Variants in BOC observed in about 807,000 individuals in gnomAD.
BOC encodes BOC cell adhesion associated, oncogene regulated, also known as brother of CDO.
BOC carries 76 observed loss-of-function variants against 112.0 expected under a neutral mutation model. That is an observed-to-expected ratio of 0.68 (90% CI 0.56 to 0.82). BOC has a LOEUF of 0.82. Ranked by LOEUF, BOC falls within the 40% of genes least tolerant of loss-of-function variation. BOC has a pLI of 0.00. For missense variants in BOC, 1,309 were observed against 1,511.7 expected (o/e 0.87, Z 2.22); for synonymous variants, 580 against 599.8 (o/e 0.97, Z 0.48).
rs372345745 is a variant in BOC, at chr3:113,273,237, G to A, written c.1130G>A (p.Arg377His). ...QRLRLSRRAL[R>H]VLSMGPEDEG... The stretch of plus-strand genomic sequence containing the variant: ...CTCCGGCTCTCCCGCAGGGCCCTGC[G>A]CGTGCTCAGCATGGGGCCTGAGGAC... Residue 377 changes from arginine to histidine, a missense_variant, in exon 8 of 20, where the codon CGC (arginine) becomes CAC (histidine). Physicochemically the swap from Arg to His is conservative, Grantham distance 29 (BLOSUM62 0). Transcript: ENST00000682979. 1.9e-5 allele frequency: 31 copies of A among 1,613,426 alleles called. No individual in the cohort carries two copies. Among genetic ancestry groups the A allele is most frequent in the Admixed American group, 1.8e-4 (11 of 59,986 alleles).
intron 9 of BOC, among the ~76,000 whole-genome samples, chr3:113,276,538 C>T (rs897017974): frequency 1.3e-5 from 2 of 152,166 alleles, no homozygotes; most frequent in Non-Finnish European, 2.9e-5. Context: ...TCCTCTCTTA[C>T]GGAACTAACA....
chr3:113,264,663 C>A (rs1484378665), intron 4 of BOC, among the ~76,000 whole-genome samples: 5 of 152,196 alleles, frequency 3.3e-5, no homozygotes, highest in African/African-American at 1.2e-4. Flanking sequence ...CCCTGGCCCC[C>A]TTCCTGTCCA....
At chr3:113,251,515 T>G (rs1172052310) in intron 4 of BOC, 1 of 153,728 alleles carries the variant, frequency 6.5e-6, no homozygotes, top group Non-Finnish European at 1.4e-5. Context: ...TTTTTTCTGG[T>G]TTTGCCATTC....
At chr3:113,242,095 A>G (rs1944379071) in intron 2 of BOC, among the ~76,000 whole-genome samples, 1 of 151,886 alleles carries the variant, frequency 6.6e-6, no homozygotes, top group South Asian at 2.1e-4. Context: ...GAACAGCACA[A>G]TCACCCTGTT....
At chr3:113,264,491 C>G (rs931127350) in intron 4 of BOC, among the ~76,000 whole-genome samples, 6 of 152,212 alleles carry the variant, frequency 3.9e-5, no homozygotes, top group African/African-American at 1.4e-4. Context: ...TCCAGTGAAG[C>G]ACACTGAGCA....
chr3:113,257,865 A>T (rs1233062596), intron 4 of BOC, among the ~76,000 whole-genome samples: 1 of 151,970 alleles, frequency 6.6e-6, no homozygotes, highest in Non-Finnish European at 1.5e-5. Context: ...TCCAGTGCTG[A>T]CTCCTATATT....
intron 4 of BOC, among the ~76,000 whole-genome samples, chr3:113,265,060 T>C (rs1234976639): frequency 6.6e-6 from 1 of 152,080 alleles, no homozygotes; most frequent in Non-Finnish European, 1.5e-5. Context: ...CAGCCTTCTG[T>C]CTCCAACTGA....
At chr3:113,279,225 C>T (rs1260608684) in intron 11 of BOC, 24 bp from the exon 12 acceptor site, 20 of 1,606,964 alleles carry the variant, frequency 1.2e-5, no homozygotes, top group Non-Finnish European at 1.7e-5. Context: ...TGCTTCCTTC[C>T]TCACTGGATA....
At chr3:113,224,108 C>T (rs1294513748) in intron 2 of BOC, among the ~76,000 whole-genome samples, 2 of 152,200 alleles carry the variant, frequency 1.3e-5, no homozygotes, top group Admixed American at 6.5e-5. Flanking sequence ...CTGCGGATAG[C>T]GGTGGGGAAG....
At chr3:113,246,466 G>A (rs1441950366) in intron 2 of BOC, among the ~76,000 whole-genome samples, 1 of 152,082 alleles carries the variant, frequency 6.6e-6, no homozygotes, top group African/African-American at 2.4e-5. Flanking sequence ...CAGCTTAAGC[G>A]TTACTTGCCT....
rs762764503 is a variant in BOC, at chr3:113,280,688, G to C, written c.2311+25G>C. ...GGTGAGACACAGTTCTGTGTTTATA[G>C]CTTCTGCGTGATATAGTTTCCTCCG... is the stretch of plus-strand genomic sequence containing the variant. On this transcript the variant is annotated intron_variant, in intron 14 of 19. Transcript: ENST00000682979. The C allele has an allele frequency of 2.6e-6, 4 of 1,534,468 alleles. No homozygotes were observed. In the African/African-American group the frequency reaches 5.5e-5, roughly 21 times the overall value.
intron 2 of BOC, among the ~76,000 whole-genome samples, chr3:113,246,443 C>T (rs1281986793): frequency 6.6e-6 from 1 of 152,120 alleles, no homozygotes; most frequent in Non-Finnish European, 1.5e-5. Flanking sequence ...CGTTACACTG[C>T]AATTAGGTTC....
At chr3:113,234,302 A>G (rs1943119007) in intron 2 of BOC, among the ~76,000 whole-genome samples, 1 of 152,190 alleles carries the variant, frequency 6.6e-6, no homozygotes, top group Non-Finnish European at 1.5e-5. Context: ...GACTTGTGAA[A>G]GAAGCTACAT....
intron 2 of BOC, among the ~76,000 whole-genome samples, chr3:113,245,991 T>G (rs749636015): frequency 2.0e-4 from 30 of 152,198 alleles, no homozygotes; most frequent in Non-Finnish European, 3.5e-4. Flanking sequence ...GGAGCTGGCC[T>G]CCTCCTGATG....
chr3:113,264,458 A>G (rs936469076), intron 4 of BOC, among the ~76,000 whole-genome samples: 2 of 152,186 alleles, frequency 1.3e-5, no homozygotes, highest in African/African-American at 4.8e-5. Context: ...CCCTATTTGT[A>G]ATTGAAGGGC....
At chr3:113,280,905 G>C in intron 14 of BOC, 126 bp from the exon 15 acceptor site, 2 of 1,320,682 alleles carry the variant, frequency 1.5e-6, no homozygotes, top group Non-Finnish European at 1.1e-6. Flanking sequence ...TCCTCCACAC[G>C]CCGCCCCTGT....
chr3:113,263,965 G>A (rs1226664704), intron 4 of BOC, among the ~76,000 whole-genome samples: 2 of 152,184 alleles, frequency 1.3e-5, no homozygotes, highest in Admixed American at 6.5e-5. Flanking sequence ...CACATGATGT[G>A]TGTCTGAACA....
intron 2 of BOC, among the ~76,000 whole-genome samples, chr3:113,247,500 GAAAAAAA>G (rs58781225): frequency 1.6e-5 from 2 of 125,786 alleles, no homozygotes; most frequent in African/African-American, 6.3e-5. Flanking sequence ...GCCCTGATAG[GAAAAAAA>G]AAAAAAAAAA....
chr3:113,218,043 G>T (rs1186651942), intron 2 of BOC, among the ~76,000 whole-genome samples: 2 of 152,194 alleles, frequency 1.3e-5, no homozygotes, highest in Non-Finnish European at 2.9e-5. Flanking sequence ...CAAGTGAGGA[G>T]ACATTTATTT....
Sources: gnomAD v4.1 joint callset for allele counts (sites outside exome capture counted in the v4.1 genomes callset) on GRCh38, gnomAD v4.1.1 for gene constraint, MANE v1.5 for transcripts, NCBI Gene and HGNC (gene_info 2026-07-23, HGNC 2026-07-21) for gene names.